SEMA5A: variants seen among roughly 807,000 people sequenced by gnomAD.
The protein encoded by SEMA5A is semaphorin 5A, also known as semaphorin-5A.
Under a neutral mutation model 135.5 loss-of-function variants are expected in SEMA5A, and 55 were observed. The ratio of observed to expected loss-of-function variants is 0.41; its 90% confidence interval spans 0.33 to 0.51. The LOEUF is 0.51. Ranked by LOEUF, SEMA5A falls within the 20% of genes least tolerant of loss-of-function variation. The pLI, the probability that SEMA5A is intolerant of heterozygous loss-of-function variation, is 0.37. For missense variants in SEMA5A, 1,290 were observed against 1,419.9 expected (o/e 0.91, Z 1.47); for synonymous variants, 580 against 546.5 (o/e 1.06, Z -0.85).
At chr5:9,305,708 G>GTGTCTATATATATATATA (rs1554017498) in intron 5 of SEMA5A, among the ~76,000 whole-genome samples, 1 of 139,228 alleles carries the variant, frequency 7.2e-6, no homozygotes, top group South Asian at 2.3e-4. Context: ...GTGTGTGTGC[G>GTGTCTATATATATATATA]TATATATATA....
chr5:9,123,532 T>C (rs916328002), intron 13 of SEMA5A, among the ~76,000 whole-genome samples: 1 of 151,894 alleles, frequency 6.6e-6, no homozygotes. Flanking sequence ...TGAAGGATAC[T>C]AGTGACTTGG....
At chr5:9,461,940 G>GA (rs1759072637) in intron 1 of SEMA5A, among the ~76,000 whole-genome samples, 1 of 152,072 alleles carries the variant, frequency 6.6e-6, no homozygotes, top group Non-Finnish European at 1.5e-5. Context: ...TTTCTAGCCA[G>GA]AAAAAATCAG....
chr5:9,110,683 G>A (rs552385277), intron 15 of SEMA5A, among the ~76,000 whole-genome samples: 1 of 152,182 alleles, frequency 6.6e-6, no homozygotes, highest in Non-Finnish European at 1.5e-5. Context: ...CCTCCGGAGA[G>A]TCAAGAACCA....
At chr5:9,138,677 G>A (rs1482673763) in intron 12 of SEMA5A, among the ~76,000 whole-genome samples, 1 of 152,110 alleles carries the variant, frequency 6.6e-6, no homozygotes, top group Non-Finnish European at 1.5e-5. Flanking sequence ...GGTGATTTAT[G>A]AGATTTTGGT....
At chr5:9,053,920 A>G (rs766764825) in intron 19 of SEMA5A, 167 bp downstream of exon 19, 1 of 660,456 alleles carries the variant, frequency 1.5e-6, no homozygotes, top group South Asian at 2.6e-5. Flanking sequence ...CTATTTTATT[A>G]TAGATGCTAT....
rs545992201 is a variant in SEMA5A, at chr5:9,323,877, G to A, written c.225-5460C>T. Among the ~76,000 whole-genome samples, 142 of 151,786 alleles carry A rather than the reference G, an allele frequency of 9.4e-4. 2 individuals are homozygous for A. Among genetic ancestry groups the A allele is most frequent in the Middle Eastern group, 3.4e-3 (1 of 292 alleles). On this transcript the variant is annotated intron_variant, in intron 4 of 22. Transcript: ENST00000382496. ...GGGTTTCACCATGTTAGCCAGGCTG[G>A]TCTTGAACTCCTGACCTCAAGTGAT...
intron 16 of SEMA5A, among the ~76,000 whole-genome samples, chr5:9,099,505 A>G (rs182513191): frequency 9.8e-5 from 15 of 152,332 alleles, no homozygotes; most frequent in Admixed American, 9.1e-4. Flanking sequence ...CCACAATGCA[A>G]TGGAAGAGTT....
rs1272249740 is a variant in SEMA5A at position 9,054,210 on chromosome 5, T to C, written c.2566A>G (p.Thr856Ala). 1.2e-6 allele frequency: 2 copies of C among 1,614,042 alleles called. No homozygotes were observed. Among genetic ancestry groups the C allele is most frequent in the Non-Finnish European group, 1.7e-6 (2 of 1,179,974 alleles). Residue 856 changes from threonine to alanine, a missense_variant, in exon 19 of 23, where the codon ACA becomes GCA. Around this residue, in one of 3 missense-constraint regions of SEMA5A, gnomAD observed 1,029 missense variants for 1,086.6 expected, o/e 0.95. Coordinates refer to ENST00000382496, the MANE Select transcript of SEMA5A (RefSeq NM_003966.3). The part of the protein sequence containing the change: ...CWSPWTKCSA[T>A]CGGGHYMRTR... ...CTCATATAGTGTCCACCGCCGCATGTTGCTGAACATTTTGTCCAGGGGGAC... is the reference window on the plus strand; with the variant it reads ...CTCATATAGTGTCCACCGCCGCATGCTGCTGAACATTTTGTCCAGGGGGAC...
chr5:9,495,349 A>G (rs1462747855), intron 1 of SEMA5A, among the ~76,000 whole-genome samples: 1 of 152,214 alleles, frequency 6.6e-6, no homozygotes, highest in East Asian at 1.9e-4. Flanking sequence ...AGGGAAAGCA[A>G]GCAAGTAAAT....
chr5:9,042,652 G>T lies in SEMA5A; in HGVS notation c.*245C>A. ...AATGGACTTGTCAGAAAAATAGGATGAACACAATTAAAAACTTCACACCCT... is the reference window on the plus strand; with the variant it reads ...AATGGACTTGTCAGAAAAATAGGATTAACACAATTAAAAACTTCACACCCT... On this transcript the variant is annotated 3_prime_UTR_variant, in exon 23 of 23. Coordinates refer to ENST00000382496, the MANE Select transcript of SEMA5A (RefSeq NM_003966.3). 1 of 442,884 alleles carries T rather than the reference G, an allele frequency of 2.3e-6. No homozygotes were observed. The highest frequency in any genetic ancestry group is 4.0e-6 in the Non-Finnish European group (1 of 251,180). 27.4% of individuals were successfully genotyped at this position (442,884 alleles called of 1,614,324 possible).
chr5:9,044,405 G>A lies in SEMA5A; in HGVS notation c.3073C>T (p.Leu1025=), dbSNP rs1355229406. ...GCCTCCACCGAGTCGTACTTGTCCA[G>A]TTTGTTGATGTGGTTGGTTATGCTG... ...NTSITNHINK[L]DKYDSVEAIK... is the part of the protein sequence containing the mutation. Residue 1025 remains leucine, a synonymous_variant, in exon 22 of 23, where the codon CTG becomes TTG. Transcript: ENST00000382496. 2 of 1,613,626 alleles carry A rather than the reference G, an allele frequency of 1.2e-6. No individual in the cohort carries two copies. Among genetic ancestry groups the A allele is most frequent in the South Asian group, 1.1e-5 (1 of 91,050 alleles).
At chr5:9,392,789 A>C (rs570457141) in intron 2 of SEMA5A, among the ~76,000 whole-genome samples, 82 of 152,318 alleles carry the variant, frequency 5.4e-4, no homozygotes, top group Non-Finnish European at 8.4e-4. Context: ...CCAGAAACCA[A>C]GATAGTCATT....
intron 5 of SEMA5A, among the ~76,000 whole-genome samples, chr5:9,269,546 C>T (rs1034743): frequency 0.39 from 58,666 of 151,740 alleles, 11,786 homozygotes; most frequent in East Asian, 0.48. Context: ...GCCCTAATTA[C>T]CAAAAAATGG....
At chr5:9,275,163 C>T (rs1456815895) in intron 5 of SEMA5A, among the ~76,000 whole-genome samples, 1 of 151,958 alleles carries the variant, frequency 6.6e-6, no homozygotes, top group Non-Finnish European at 1.5e-5. Flanking sequence ...ACTACCGATC[C>T]CACAGAAATG....
chr5:9,417,643 G>A (rs747200392), intron 2 of SEMA5A, among the ~76,000 whole-genome samples: 17 of 152,078 alleles, frequency 1.1e-4, no homozygotes, highest in Admixed American at 8.5e-4. Flanking sequence ...TGAGACATTC[G>A]CCCCGTTACT....
intron 3 of SEMA5A, among the ~76,000 whole-genome samples, chr5:9,360,368 A>C (rs1423135474): frequency 6.6e-6 from 1 of 152,252 alleles, no homozygotes; most frequent in Admixed American, 6.5e-5. Context: ...TCTAAAAATC[A>C]GTAAAGGTGT....
chr5:9,535,177 G>A lies in SEMA5A; in HGVS notation c.-175+10407C>T, dbSNP rs537450766. 3.4e-5 allele frequency among the ~76,000 whole-genome samples: 5 copies of A among 147,734 alleles called. No individual in the cohort carries two copies. In the South Asian group the frequency reaches 1.1e-3, roughly 32 times the overall value. On this transcript the variant is annotated intron_variant, in intron 1 of 22. Coordinates refer to ENST00000382496, the MANE Select transcript of SEMA5A (RefSeq NM_003966.3). ...CCTCAGGGAGCTGGAAACTCCGCAG[G>A]TGGGCCTGGAAAAACTGTTCAAAGT...
chr5:9,463,913 T>C (rs553634903), intron 1 of SEMA5A, among the ~76,000 whole-genome samples: 3 of 152,332 alleles, frequency 2.0e-5, no homozygotes, highest in East Asian at 1.9e-4. Flanking sequence ...ACATTATCTA[T>C]GTTGTTACTG....
chr5:9,254,754 C>A (rs1163969786), intron 5 of SEMA5A, among the ~76,000 whole-genome samples: 2 of 151,874 alleles, frequency 1.3e-5, no homozygotes, highest in Non-Finnish European at 2.9e-5. Context: ...TGCCCAAGGC[C>A]AGAAAGCAAG....
Sources: gnomAD v4.1 joint callset for allele counts (sites outside exome capture counted in the v4.1 genomes callset) on GRCh38, gnomAD v4.1.1 for gene constraint, gnomAD v4.1.1 regional missense constraint, MANE v1.5 for transcripts, NCBI Gene and HGNC (gene_info 2026-07-23, HGNC 2026-07-21) for gene names.